PBX1: variants seen among roughly 807,000 people sequenced by gnomAD.
PBX1 encodes the protein pre-B-cell leukemia transcription factor 1.
In PBX1, 6 loss-of-function variants were observed where a neutral mutation model predicts 53.4. The ratio of observed to expected loss-of-function variants is 0.11; its 90% CI spans 0.06 to 0.22. The LOEUF (loss-of-function observed/expected upper bound fraction) is 0.22, where lower values mean the gene tolerates loss of function less well. PBX1 is among the 10% of genes least tolerant of loss of function. PBX1 has a pLI of 1.00. For synonymous variants in PBX1, 204 were observed against 212.3 expected, an observed-to-expected ratio of 0.96 and a Z score of 0.34; for missense variants, 251 against 551.4, an observed-to-expected ratio of 0.46 and a Z score of 5.46.
intron 2 of PBX1, among the ~76,000 whole-genome samples, chr1:164,720,079 A>G (rs1009569139): frequency 2.0e-5 from 3 of 152,222 alleles, no homozygotes; most frequent in African/African-American, 7.2e-5. Context: ...ATTTTGAGGA[A>G]CTAATTTGTA....
rs545141569 is a variant in PBX1 at position 164,707,880 on chromosome 1, C to T, written c.266-84614C>T. ...AGAACCAAGCAAATGCTTTCGATTG[C>T]GCTATCTTGATTAGAAGCCCTGCAT... On this transcript the variant is annotated intron_variant, in intron 2 of 8. Transcript: ENST00000420696. Among the ~76,000 whole-genome samples, 17 of 152,304 alleles carry T rather than the reference C, an allele frequency of 1.1e-4. No homozygotes were observed. In the East Asian group the frequency reaches 1.2e-3, roughly 10 times the overall value.
chr1:164,829,925 C>A (rs142663937), intron 8 of PBX1: 10 of 151,562 alleles, frequency 6.6e-5, no homozygotes, highest in African/African-American at 2.2e-4. Flanking sequence ...TAAACAAGCA[C>A]GTTTTTCAAA....
At chr1:164,576,358 T>C (rs929245240) in intron 2 of PBX1, among the ~76,000 whole-genome samples, 5 of 152,278 alleles carry the variant, frequency 3.3e-5, no homozygotes, top group Admixed American at 6.5e-5. Context: ...GCGCGCAGCA[T>C]AGAGGACGCT....
chr1:164,714,547 G>A (rs1557961285), intron 2 of PBX1, among the ~76,000 whole-genome samples: 1 of 152,206 alleles, frequency 6.6e-6, no homozygotes, highest in Non-Finnish European at 1.5e-5. Flanking sequence ...AAAGTCCACT[G>A]AAGAAGATAT....
intron 2 of PBX1, among the ~76,000 whole-genome samples, chr1:164,636,615 C>T (rs1028673206): frequency 6.6e-6 from 1 of 152,104 alleles, no homozygotes; most frequent in African/African-American, 2.4e-5. Flanking sequence ...ACCTAGTCAC[C>T]TTGTTGCTGG....
intron 2 of PBX1, among the ~76,000 whole-genome samples, chr1:164,579,583 T>C (rs1038920989): frequency 1.3e-5 from 2 of 152,224 alleles, no homozygotes; most frequent in African/African-American, 2.4e-5. Flanking sequence ...GAGGCGTCTC[T>C]GACTCTTGGA....
At chr1:164,821,756 T>G (rs1670167306) in intron 8 of PBX1, 130 bp downstream of exon 8, 1 of 747,010 alleles carries the variant, frequency 1.3e-6, no homozygotes. Context: ...AGTTTCTTGT[T>G]TCTGTATCGG....
rs59042806 is a variant in PBX1 at position 164,724,670 on chromosome 1, A to ATTTTTTTTTTTT, written c.266-67796_266-67785dup. ...CAGATGCCCATTGCAATAGCTGCAGATTTTTTTTTTTTTTTTTTTTTTTTT... is the reference window on the plus strand; with the variant it reads ...CAGATGCCCATTGCAATAGCTGCAGATTTTTTTTTTTTTTTTTTTTTTTTTTTTTTTTTTTTT... On this transcript the variant is annotated intron_variant, in intron 2 of 8. Transcript: ENST00000420696. 1.2e-4 allele frequency among the ~76,000 whole-genome samples: 6 copies of ATTTTTTTTTTTT among 48,236 alleles called. 1 individual carries two copies. The highest frequency in any genetic ancestry group is 5.3e-4 in the East Asian group (1 of 1,904). 31.6% of individuals were successfully genotyped at this position (48,236 alleles called of 152,430 possible).
At position 164,656,734 on chromosome 1, in the gene PBX1, G is replaced by A. The variant is rs73028014; in HGVS notation, c.265+93423G>A. Among the ~76,000 whole-genome samples the A allele has an allele frequency of 8.7e-3, 1,317 of 152,182 alleles. 18 individuals carry two copies. Among genetic ancestry groups the A allele is most frequent in the African/African-American group, 0.03 (1,255 of 41,546 alleles). Reference sequence around the variant, plus strand: ...ATAAAGGACAATAAAATGCTAAAATGTACAGGAAATTCTTGTAATATGACT... The same window carrying A: ...ATAAAGGACAATAAAATGCTAAAATATACAGGAAATTCTTGTAATATGACT... On this transcript the variant is annotated intron_variant, in intron 2 of 8. Transcript: ENST00000420696.
chr1:164,793,608 C>T (rs1053939037), intron 3 of PBX1, among the ~76,000 whole-genome samples: 1 of 152,180 alleles, frequency 6.6e-6, no homozygotes, highest in African/African-American at 2.4e-5. Flanking sequence ...CCCATCCTCC[C>T]CACAACACAT....
intron 2 of PBX1, among the ~76,000 whole-genome samples, chr1:164,755,459 G>C (rs1468469380): frequency 6.6e-6 from 1 of 151,930 alleles, no homozygotes; most frequent in East Asian, 1.9e-4. Flanking sequence ...TTTTACTTGT[G>C]GTTATTTTTT....
chr1:164,743,870 C>G (rs1665751869), intron 2 of PBX1, among the ~76,000 whole-genome samples: 1 of 152,126 alleles, frequency 6.6e-6, no homozygotes, highest in Non-Finnish European at 1.5e-5. Context: ...CATATATGTA[C>G]AGTTATCCAG....
intron 2 of PBX1, among the ~76,000 whole-genome samples, chr1:164,609,866 G>GA (rs1656793031): frequency 6.6e-6 from 1 of 152,102 alleles, no homozygotes; most frequent in Admixed American, 6.6e-5. Context: ...TGTTGGGGGG[G>GA]ATATGGTAAA....
At chr1:164,842,050 C>T (rs368156909) in intron 8 of PBX1, among the ~76,000 whole-genome samples, 1 of 152,156 alleles carries the variant, frequency 6.6e-6, no homozygotes, top group Non-Finnish European at 1.5e-5. Context: ...TCTGCATCAA[C>T]CGTGTGCTGC....
intron 2 of PBX1, among the ~76,000 whole-genome samples, chr1:164,608,043 A>G (rs150910439): frequency 5.5e-4 from 84 of 152,332 alleles, no homozygotes; most frequent in African/African-American, 1.9e-3. Context: ...TCATGTTCCA[A>G]GTCTGAGTAT....
chr1:164,842,784 T>A (rs1281811133), intron 8 of PBX1, among the ~76,000 whole-genome samples: 2 of 152,162 alleles, frequency 1.3e-5, no homozygotes, highest in African/African-American at 4.8e-5. Flanking sequence ...CCCCTCAGTG[T>A]GGTTTATGAC....
intron 2 of PBX1, among the ~76,000 whole-genome samples, chr1:164,755,236 C>T (rs1450660842): frequency 4.6e-5 from 7 of 152,148 alleles, no homozygotes; most frequent in South Asian, 2.1e-4. Flanking sequence ...TCTTGACCTC[C>T]GCCTCCCGGT....
chr1:164,878,916 C>T (rs955150440), intron 2 of PBX1, among the ~76,000 whole-genome samples: 17 of 152,140 alleles, frequency 1.1e-4, no homozygotes, highest in Non-Finnish European at 2.4e-4. Context: ...TTATGGCAGC[C>T]GGAGCATAAT....
intron 2 of PBX1, among the ~76,000 whole-genome samples, chr1:164,615,898 G>GTT (rs1451469329): frequency 6.6e-6 from 1 of 152,144 alleles, no homozygotes; most frequent in Non-Finnish European, 1.5e-5. Context: ...GCCTCCCTGG[G>GTT]TTGGATATGC....
Sources: gnomAD v4.1 joint callset for allele counts (sites outside exome capture counted in the v4.1 genomes callset) on GRCh38, gnomAD v4.1.1 for gene constraint, MANE v1.5 for transcripts, NCBI Gene and HGNC (gene_info 2026-07-23, HGNC 2026-07-21) for gene names.